The following CBLB variants were observed in gnomAD, a reference collection of about 807,000 sequenced individuals.
CBLB encodes the protein Cbl proto-oncogene B.
A neutral mutation model predicts 104.9 loss-of-function variants in CBLB; 31 were observed. The observed-to-expected ratio is 0.30, with a 90% CI of 0.22 to 0.40. CBLB has a LOEUF of 0.40. Among genes scored for constraint, CBLB ranks in the 10% least tolerant of loss-of-function variants. CBLB has a pLI of 1.00. For synonymous variants in CBLB, 440 were observed against 422.6 expected (o/e 1.04, Z -0.51); for missense variants, 1,062 against 1,214.6 (o/e 0.87, Z 1.87).
intron 3 of CBLB, among the ~76,000 whole-genome samples, chr3:105,836,045 G>A (rs2088441296): frequency 6.6e-6 from 1 of 152,160 alleles, no homozygotes; most frequent in Non-Finnish European, 1.5e-5. Flanking sequence ...AGTGATTAGA[G>A]GTAAACACTG....
rs529641669 is a variant in CBLB at position 105,816,684 on chromosome 3, T to C, written c.419+36730A>G. On this transcript the variant is annotated intron_variant, in intron 3 of 18. Coordinates refer to ENST00000394030, the MANE Select transcript of CBLB (RefSeq NM_170662.5). ...CATGTACACAGCTGTTCAACTAATA[T>C]AAAGCTAAGTACTTTTTAAAAACAA... Among the ~76,000 whole-genome samples the C allele has an allele frequency of 5.9e-5, 9 of 152,274 alleles. No individual in the cohort carries two copies. In the South Asian group the frequency reaches 1.9e-3, roughly 32 times the overall value.
At chr3:105,747,628 A>T (rs1297637186) in intron 5 of CBLB, among the ~76,000 whole-genome samples, 1 of 152,238 alleles carries the variant, frequency 6.6e-6, no homozygotes, top group Non-Finnish European at 1.5e-5. Flanking sequence ...CATGACTAAA[A>T]ACTGCATTAA....
chr3:105,786,955 T>C (rs2081097442), intron 3 of CBLB, among the ~76,000 whole-genome samples: 1 of 152,214 alleles, frequency 6.6e-6, no homozygotes, highest in Non-Finnish European at 1.5e-5. Context: ...TGTCTTAATA[T>C]GCATGATAAC....
chr3:105,820,246 T>C (rs986098908), intron 3 of CBLB, among the ~76,000 whole-genome samples: 4 of 152,050 alleles, frequency 2.6e-5, no homozygotes, highest in African/African-American at 9.7e-5. Flanking sequence ...GGAGCCCAGG[T>C]GGTCATGTGA....
chr3:105,821,539 A>T (rs920689690), intron 3 of CBLB, among the ~76,000 whole-genome samples: 11 of 152,220 alleles, frequency 7.2e-5, no homozygotes, highest in Admixed American at 1.3e-4. Flanking sequence ...ACAAAAAGAA[A>T]TCTTTGCAGG....
At chr3:105,753,986 G>A (rs2076815737) in intron 4 of CBLB, among the ~76,000 whole-genome samples, 3 of 152,132 alleles carry the variant, frequency 2.0e-5, no homozygotes, top group African/African-American at 7.2e-5. Context: ...AATCCAAAGA[G>A]GCATTCACTG....
chr3:105,791,398 G>A (rs1204287573), intron 3 of CBLB, among the ~76,000 whole-genome samples: 1 of 152,008 alleles, frequency 6.6e-6, no homozygotes, highest in Non-Finnish European at 1.5e-5. Context: ...TTCCAGAAAT[G>A]ATTCATCTGA....
Position 105,720,150 on chromosome 3 carries a change from C to T in CBLB, c.1304G>A (p.Cys435Tyr), listed in dbSNP as rs116474782. 1.2e-5 allele frequency: 20 copies of T among 1,613,832 alleles called. No individual in the cohort carries two copies. The African/African-American group carries it at 1.6e-4, about 13-fold the overall frequency. ...PFDPRDEGSR[C>Y]CSIIDPFGMP... The stretch of plus-strand genomic sequence containing the variant: ...GCCAAAGGGGTCAATGATGCTGCAA[C>T]ACCTGGAGCCTTCATCTCTTGGATC... The change falls in exon 10 of 19, where the codon TGT (cysteine) becomes TAT (tyrosine). Residue 435 changes from cysteine (C) to tyrosine (Y), a missense_variant. Coordinates refer to ENST00000394030, the MANE Select transcript of CBLB (RefSeq NM_170662.5).
chr3:105,868,961 G>A lies in CBLB; in HGVS notation c.-240C>T. ...CTCCCCTCCCGCCCGACTCGGGGAG[G>A]CCGCGGGACGCCGCAGCAGCACTAG... is the stretch of plus-strand genomic sequence containing the variant. On this transcript the variant is annotated 5_prime_UTR_variant, in exon 1 of 19. Transcript: ENST00000394030. 9.8e-7 allele frequency: 1 copy of A among 1,020,642 alleles called. No individual in the cohort carries two copies. Among genetic ancestry groups the A allele is most frequent in the Non-Finnish European group, 1.2e-6 (1 of 852,694 alleles). The allele number at this position is 1,020,642 out of a possible 1,614,324, so 63.2% of individuals were successfully genotyped here.
At chr3:105,832,987 T>TGTTA (rs1456298277) in intron 3 of CBLB, among the ~76,000 whole-genome samples, 1 of 152,000 alleles carries the variant, frequency 6.6e-6, no homozygotes, top group East Asian at 1.9e-4. Context: ...ACGAAAGATG[T>TGTTA]GTTAGGTAGT....
chr3:105,748,402 A>G (rs1278651258), intron 5 of CBLB, among the ~76,000 whole-genome samples: 1 of 152,120 alleles, frequency 6.6e-6, no homozygotes, highest in Non-Finnish European at 1.5e-5. Context: ...TTGATGCTAC[A>G]CATTCCATAG....
In CBLB at chr3:105,681,353, C is replaced by T; in HGVS notation, c.2428+126G>A. 5.5e-6 allele frequency: 5 copies of T among 903,730 alleles called. No homozygotes were observed. In the South Asian group the frequency reaches 7.7e-5, roughly 14 times the overall value. 56.0% of individuals were successfully genotyped at this position (903,730 alleles called of 1,614,324 possible). ...TTGGGAGTCACCGGCACCTGGAGAA[C>T]CCATTCAAATTTCAGGCAAATTCAC... On this transcript the variant is annotated intron_variant, in intron 16 of 18. Transcript: ENST00000394030.
rs548703998 is a variant in CBLB, at chr3:105,795,888, T to C, written c.420-19346A>G. On this transcript the variant is annotated intron_variant, in intron 3 of 18. Coordinates refer to ENST00000394030, the MANE Select transcript of CBLB (RefSeq NM_170662.5). ...CCTCCCGAGTAGCTGGGTCTGCAGGTGCCCACCAACATGCCTGGTTAATTT... is the reference window on the plus strand; with the variant it reads ...CCTCCCGAGTAGCTGGGTCTGCAGGCGCCCACCAACATGCCTGGTTAATTT... Among the ~76,000 whole-genome samples, 172 of 152,060 alleles carry C rather than the reference T, an allele frequency of 1.1e-3. 1 individual carries two copies. The highest frequency in any genetic ancestry group is 3.9e-3 in the African/African-American group (162 of 41,480).
intron 12 of CBLB, among the ~76,000 whole-genome samples, chr3:105,694,330 C>T (rs1316482667): frequency 6.6e-6 from 1 of 151,914 alleles, no homozygotes; most frequent in African/African-American, 2.4e-5. Flanking sequence ...TTTGAAATTA[C>T]AGCAACTTAA....
intron 3 of CBLB, among the ~76,000 whole-genome samples, chr3:105,806,567 A>G (rs1024106626): frequency 1.3e-5 from 2 of 151,830 alleles, no homozygotes; most frequent in African/African-American, 4.8e-5. Flanking sequence ...AGATATGATG[A>G]GTCATAACCC....
chr3:105,846,207 A>G (rs2090228810), intron 3 of CBLB, among the ~76,000 whole-genome samples: 1 of 151,900 alleles, frequency 6.6e-6, no homozygotes. Flanking sequence ...TCTACTTGCA[A>G]TTGGTCCTTT....
intron 3 of CBLB, among the ~76,000 whole-genome samples, chr3:105,820,859 TTC>T (rs1244339720): frequency 6.6e-6 from 1 of 152,162 alleles, no homozygotes; most frequent in South Asian, 2.1e-4. Context: ...CGTTCTCTAT[TTC>T]TGTTTCTTCA....
At chr3:105,865,985 T>G (rs897789547) in intron 2 of CBLB, among the ~76,000 whole-genome samples, 1 of 152,220 alleles carries the variant, frequency 6.6e-6, no homozygotes, top group Non-Finnish European at 1.5e-5. Flanking sequence ...TCCAATTGAA[T>G]AGTCCTTATT....
intron 3 of CBLB, among the ~76,000 whole-genome samples, chr3:105,852,735 T>C (rs1287053348): frequency 6.6e-6 from 1 of 152,048 alleles, no homozygotes; most frequent in African/African-American, 2.4e-5. Flanking sequence ...ATTTTTATCT[T>C]TTATACAGTA....
Sources: allele counts gnomAD v4.1 joint callset (sites outside exome capture counted in the v4.1 genomes callset), GRCh38; gene constraint gnomAD v4.1.1; transcripts MANE v1.5; gene names NCBI Gene and HGNC (gene_info 2026-07-23, HGNC 2026-07-21).